RASA3: variants seen among roughly 807,000 people sequenced by gnomAD.
RASA3 encodes the protein RAS p21 protein activator 3, also known as ras GTPase-activating protein 3.
A neutral mutation model predicts 110.0 loss-of-function variants in RASA3; 73 were observed. The ratio of observed to expected loss-of-function variants is 0.66; its 90% CI spans 0.55 to 0.81. The LOEUF (loss-of-function observed/expected upper bound fraction) is 0.81, where lower values mean the gene tolerates loss of function less well. Ranked by LOEUF, RASA3 falls within the 30% of genes least tolerant of loss-of-function variation. RASA3 has a pLI of 0.00. For synonymous variants in RASA3, 500 were observed against 451.4 expected (o/e 1.11, Z -1.37); for missense variants, 976 against 1,113.2 (o/e 0.88, Z 1.75).
chr13:114,132,376 G>T, intron 1 of RASA3, 59 bp downstream of exon 1: 1 of 1,428,690 alleles, frequency 7.0e-7, no homozygotes, highest in East Asian at 3.0e-5. Context: ...GGAGGCGGGC[G>T]CGGGAGAGGA....
chr13:114,079,688 C>T (rs1232550924), intron 1 of RASA3, among the ~76,000 whole-genome samples: 1 of 152,224 alleles, frequency 6.6e-6, no homozygotes, highest in African/African-American at 2.4e-5. Context: ...GCACAGAAGC[C>T]TCTGTGCCAT....
In RASA3 at chr13:114,015,287, C is replaced by T. The variant is rs760477931; in HGVS notation, c.1327G>A (p.Glu443Lys). The T allele has an allele frequency of 1.9e-6, 3 of 1,613,214 alleles. No individual in the cohort carries two copies. The highest frequency in any genetic ancestry group is 2.2e-5 in the East Asian group (1 of 44,880). Residue 443 changes from glutamate to lysine, a missense_variant, in exon 14 of 24, where the codon GAG becomes AAG. Around this residue, in one of 4 missense-constraint regions of RASA3, gnomAD observed 732 missense variants for 779.7 expected, o/e 0.94. Transcript: ENST00000334062. ...ACGGTCGGGCAGCTCACCCCAGACTCAGTGATGGCGTGGAAGACGCGGTCC... is the reference window on the plus strand; with the variant it reads ...ACGGTCGGGCAGCTCACCCCAGACTTAGTGATGGCGTGGAAGACGCGGTCC... ...YVDRVFHAIT[E>K]SGVSCPTVMC...
chr13:114,007,915 G>A (rs144403045), intron 17 of RASA3, among the ~76,000 whole-genome samples: 128 of 152,246 alleles, frequency 8.4e-4, no homozygotes, highest in African/African-American at 2.9e-3. Flanking sequence ...GTAGTGAGGA[G>A]GCTCAGGCAT....
intron 22 of RASA3, 42 bp from the exon 23 acceptor site, chr13:113,981,900 C>T (rs1444255962): frequency 1.9e-6 from 3 of 1,576,274 alleles, no homozygotes; most frequent in Admixed American, 1.7e-5. Flanking sequence ...GGAGCCCAGG[C>T]CACCGGCCCC....
At chr13:114,022,344 G>C (rs1383290477) in intron 8 of RASA3, among the ~76,000 whole-genome samples, 1 of 152,210 alleles carries the variant, frequency 6.6e-6, no homozygotes, top group Non-Finnish European at 1.5e-5. Context: ...CTACAGGGCT[G>C]GTAACCCAGT....
In RASA3 at chr13:113,979,258, G is replaced by A. The variant is rs568225332; in HGVS notation, c.*89C>T. On this transcript the variant is annotated 3_prime_UTR_variant, in exon 24 of 24. Coordinates refer to ENST00000334062, the MANE Select transcript of RASA3 (RefSeq NM_007368.4). Reference sequence around the variant, plus strand: ...GGACGGCGTGCATCTCACTTTGCCGGCTCTGCGCTCTTCCTTCTCTTCTCC... The same window carrying A: ...GGACGGCGTGCATCTCACTTTGCCGACTCTGCGCTCTTCCTTCTCTTCTCC... 2.9e-5 allele frequency: 38 copies of A among 1,297,546 alleles called. No homozygotes were observed. The highest frequency in any genetic ancestry group is 4.4e-5 in the African/African-American group (3 of 68,338). 80.4% of individuals were successfully genotyped at this position (1,297,546 alleles called of 1,614,324 possible).
rs370816129 is a variant in RASA3, at chr13:114,066,972, G to GC, written c.173+6747dup. On this transcript the variant is annotated intron_variant, in intron 2 of 23. Transcript: ENST00000334062. ...GCCTCCCCACCTGGGCTGAGGACAG[G>GC]CCCCCCTACCTGGGCTGAGGACGGG... 4.5e-3 allele frequency among the ~76,000 whole-genome samples: 678 copies of GC among 149,646 alleles called. 4 individuals carry two copies. The highest frequency in any genetic ancestry group is 0.016 in the African/African-American group (638 of 40,554).
intron 20 of RASA3, among the ~76,000 whole-genome samples, chr13:113,997,995 G>A (rs1398212322): frequency 6.6e-6 from 1 of 152,244 alleles, no homozygotes; most frequent in African/African-American, 2.4e-5. Context: ...GCCACCAGGA[G>A]CAGCCTTCAG....
rs146018991 is a variant in RASA3, at chr13:114,073,798, T to C, written c.95A>G (p.Lys32Arg). The C allele has an allele frequency of 1.4e-5, 22 of 1,614,120 alleles. No homozygotes were observed. The highest frequency in any genetic ancestry group is 1.7e-5 in the Non-Finnish European group (20 of 1,180,050). The change falls in exon 2 of 24, where the codon AAG becomes AGG. Residue 32 changes from lysine to arginine, a missense_variant. By Grantham distance (26) the Lys-to-Arg change is conservative. Coordinates refer to ENST00000334062, the MANE Select transcript of RASA3 (RefSeq NM_007368.4). ...KNLPSYPGPS[K>R]MRDCYCTVNL... is the part of the protein sequence containing the mutation. Reference sequence around the variant, plus strand: ...CACCGTGCAGTAGCAATCCCTCATCTTGCTCGGCCCCGGGTAAGAGGGAAG... The same window carrying C: ...CACCGTGCAGTAGCAATCCCTCATCCTGCTCGGCCCCGGGTAAGAGGGAAG...
At chr13:114,040,586 T>C (rs1295659941) in intron 4 of RASA3, among the ~76,000 whole-genome samples, 1 of 118,458 alleles carries the variant, frequency 8.4e-6, no homozygotes, top group African/African-American at 3.7e-5. Context: ...CCAAAATCCA[T>C]GGCGGAGCCC....
intron 1 of RASA3, 29 bp downstream of exon 1, chr13:114,132,406 C>T: frequency 6.7e-7 from 1 of 1,502,244 alleles, no homozygotes. Context: ...GCCGGGGGGT[C>T]GGACGCGTGG....
chr13:114,048,507 C>T lies in RASA3; in HGVS notation c.277+3545G>A, dbSNP rs1473501733. ...GGCGCCAGGATCGGGGGCGGAGACCCCAATGCTCCTGACAGCACCGAGCCG... is the reference window on the plus strand; with the variant it reads ...GGCGCCAGGATCGGGGGCGGAGACCTCAATGCTCCTGACAGCACCGAGCCG... On this transcript the variant is annotated intron_variant, in intron 3 of 23. Coordinates refer to ENST00000334062, the MANE Select transcript of RASA3 (RefSeq NM_007368.4). The surrounding 1 kb of genome is among the most constrained non-coding windows in gnomAD (Gnocchi z 4.3). Among the ~76,000 whole-genome samples, 1 of 152,124 alleles carries T rather than the reference C, an allele frequency of 6.6e-6. No individual in the cohort carries two copies. Among genetic ancestry groups the T allele is most frequent in the Admixed American group, 6.5e-5 (1 of 15,280 alleles).
intron 4 of RASA3, among the ~76,000 whole-genome samples, chr13:114,039,295 G>A (rs530006865): frequency 2.6e-5 from 4 of 151,726 alleles, no homozygotes; most frequent in African/African-American, 9.7e-5. Flanking sequence ...TGCGGTCCCA[G>A]CTGAGGACCC....
rs574951910 is a variant in RASA3 at position 114,104,535 on chromosome 13, C to T, written c.55+27900G>A. ...TCATCAGGGGCGGGAACTCCGGTGGCGGGCACACCCAGCGCAATTACAGGG... is the reference window on the plus strand; with the variant it reads ...TCATCAGGGGCGGGAACTCCGGTGGTGGGCACACCCAGCGCAATTACAGGG... On this transcript the variant is annotated intron_variant, in intron 1 of 23. Transcript: ENST00000334062. Among the ~76,000 whole-genome samples the T allele has an allele frequency of 2.1e-3, 313 of 152,220 alleles. 1 individual carries two copies. The highest frequency in any genetic ancestry group is 3.7e-3 in the Non-Finnish European group (251 of 67,994).
Position 114,114,845 on chromosome 13 carries a change from A to T in RASA3, c.55+17590T>A, listed in dbSNP as rs995786822. On this transcript the variant is annotated intron_variant, in intron 1 of 23. Transcript: ENST00000334062. This position sits in a 1 kb window ranked among gnomAD's most constrained non-coding sequence, Gnocchi z 4.8. The stretch of plus-strand genomic sequence containing the variant: ...CAGAGTCGTGACCAACAGTGGAAAG[A>T]CCCATAGCTCCCAGCTCCAGGGACG... Among the ~76,000 whole-genome samples, 3 of 152,152 alleles carry T rather than the reference A, an allele frequency of 2.0e-5. No homozygotes were observed. Among genetic ancestry groups the T allele is most frequent in the Non-Finnish European group, 4.4e-5 (3 of 68,026 alleles).
intron 1 of RASA3, among the ~76,000 whole-genome samples, chr13:114,118,596 A>G (rs1176286635): frequency 6.6e-6 from 1 of 152,222 alleles, no homozygotes; most frequent in Non-Finnish European, 1.5e-5. Flanking sequence ...GAAATGTCCC[A>G]AATATTTCTG....
chr13:114,113,644 A>G (rs1165466479), intron 1 of RASA3, among the ~76,000 whole-genome samples: 4 of 136,602 alleles, frequency 2.9e-5, no homozygotes, highest in African/African-American at 1.1e-4. Flanking sequence ...TACAGCTCAC[A>G]CCGCGTCCAT....
chr13:114,037,367 C>T (rs947202962), intron 4 of RASA3, among the ~76,000 whole-genome samples: 12 of 152,158 alleles, frequency 7.9e-5, no homozygotes, highest in Admixed American at 5.2e-4. Flanking sequence ...ATACCACAAG[C>T]GACCCGGAGG....
At chr13:114,032,867 A>G (rs1274963104) in intron 4 of RASA3, among the ~76,000 whole-genome samples, 1 of 72,394 alleles carries the variant, frequency 1.4e-5, no homozygotes. Context: ...CGGCACCCCC[A>G]CACTGACACC....
Sources: gnomAD v4.1 joint callset for allele counts (sites outside exome capture counted in the v4.1 genomes callset) on GRCh38, gnomAD v4.1.1 for gene constraint, gnomAD v4.1.1 regional missense constraint, Gnocchi (gnomAD v3.1) non-coding constraint, MANE v1.5 for transcripts, NCBI Gene and HGNC (gene_info 2026-07-23, HGNC 2026-07-21) for gene names.